Variants in LRRK2 observed in about 807,000 individuals in gnomAD.
LRRK2 encodes leucine rich repeat kinase 2.
In LRRK2, 203 loss-of-function variants were observed where a neutral mutation model predicts 302.6. The ratio of observed to expected loss-of-function variants is 0.67; its 90% CI spans 0.60 to 0.75. The LOEUF is 0.75. Ranked by LOEUF, LRRK2 falls within the 30% of genes least tolerant of loss-of-function variation. The pLI is 0.00. For missense variants in LRRK2, 2,830 were observed against 2,951.0 expected (o/e 0.96, Z 0.95); for synonymous variants, 1,066 against 1,031.9 (o/e 1.03, Z -0.63).
At position 40,269,612 on chromosome 12, in the gene LRRK2, T is replaced by C. The variant is rs182557973; in HGVS notation, c.1657-4971T>C. Among the ~76,000 whole-genome samples, 12 of 152,252 alleles carry C rather than the reference T, an allele frequency of 7.9e-5. No individual in the cohort carries two copies. In the East Asian group the frequency reaches 2.1e-3, roughly 27 times the overall value. The stretch of plus-strand genomic sequence containing the variant: ...TGTTACTGCAGCTTAATTTAATCTT[T>C]CCTGACAATACAATACCTATCAATA... On this transcript the variant is annotated intron_variant, in intron 14 of 50. Coordinates refer to ENST00000298910, the MANE Select transcript of LRRK2 (RefSeq NM_198578.4).
At chr12:40,239,813 A>T (rs1941646462) in intron 5 of LRRK2, among the ~76,000 whole-genome samples, 1 of 152,126 alleles carries the variant, frequency 6.6e-6, no homozygotes, top group Non-Finnish European at 1.5e-5. Context: ...ATGAATGTTG[A>T]TCACTTAGAG....
At position 40,315,255 on chromosome 12, in the gene LRRK2, C is replaced by A; in HGVS notation, c.4782C>A (p.Asp1594Glu). 6.2e-7 allele frequency: 1 copy of A among 1,612,718 alleles called. No individual in the cohort carries two copies. The change falls in exon 33 of 51, where the codon GAC (aspartate) becomes GAA (glutamate). Residue 1594 changes from aspartate to glutamate, a missense_variant. This residue lies in a region of LRRK2 where 2,121 missense variants were observed against 2,148.0 expected (regional missense o/e 0.99). Transcript: ENST00000298910. The stretch of plus-strand genomic sequence containing the variant: ...AAGACCCAGCACTGCAGTTAAGTGA[C>A]TTGTACTTTGTGGAACCCAAGTGGC... ...HFQDPALQLS[D>E]LYFVEPKWLC... is the part of the protein sequence containing the mutation.
At chr12:40,291,121 C>G (rs1040552006) in intron 20 of LRRK2, among the ~76,000 whole-genome samples, 1 of 151,888 alleles carries the variant, frequency 6.6e-6, no homozygotes, top group Non-Finnish European at 1.5e-5. Context: ...GAGTTCATGT[C>G]CTTTGTAGGG....
intron 14 of LRRK2, among the ~76,000 whole-genome samples, chr12:40,266,145 G>A (rs1943002351): frequency 6.6e-6 from 1 of 152,130 alleles, no homozygotes; most frequent in Non-Finnish European, 1.5e-5. Context: ...AGCCAAAATT[G>A]ACAAATGGGA....
Position 40,334,964 on chromosome 12 carries a change from C to G in LRRK2, c.5758-3C>G. ...ACTCTTACATGATTTTGGACTTTTG[C>G]AGGAGCTTGTGGTGCTTTGCCACCT... On this transcript the variant is annotated splice_region_variant and splice_polypyrimidine_tract_variant and intron_variant, in intron 39 of 50. Transcript: ENST00000298910. 6.2e-7 allele frequency: 1 copy of G among 1,613,756 alleles called. No individual in the cohort carries two copies. Among genetic ancestry groups the G allele is most frequent in the Non-Finnish European group, 8.5e-7 (1 of 1,179,938 alleles).
intron 13 of LRRK2, among the ~76,000 whole-genome samples, chr12:40,261,111 G>A (rs755985466): frequency 2.2e-4 from 34 of 152,058 alleles, no homozygotes; most frequent in Non-Finnish European, 3.7e-4. Context: ...CCTATTCATA[G>A]TTTCAGCTTA....
At chr12:40,357,045 T>A (rs139460259) in intron 46 of LRRK2, among the ~76,000 whole-genome samples, 1 of 152,264 alleles carries the variant, frequency 6.6e-6, no homozygotes, top group East Asian at 1.9e-4. Context: ...TAACTGTATG[T>A]TTGTACCCGT....
chr12:40,283,984 G>C lies in LRRK2; in HGVS notation c.2351G>C (p.Ser784Thr). The change falls in exon 19 of 51, where the codon AGC becomes ACC. Residue 784 changes from serine to threonine, a missense_variant. Physicochemically the swap from Ser to Thr is moderately conservative, Grantham distance 58. Coordinates refer to ENST00000298910, the MANE Select transcript of LRRK2 (RefSeq NM_198578.4). ...ALTISIGKGD[S>T]QIISLLLRRL... ...ACGATAAGCATTGGGAAAGGTGACAGCCAGATCATCAGCTTGCTCTTAAGG... is the reference window on the plus strand; with the variant it reads ...ACGATAAGCATTGGGAAAGGTGACACCCAGATCATCAGCTTGCTCTTAAGG... 1 of 1,614,030 alleles carries C rather than the reference G, an allele frequency of 6.2e-7. No individual in the cohort carries two copies. The highest frequency in any genetic ancestry group is 1.1e-5 in the South Asian group (1 of 91,084).
intron 28 of LRRK2, among the ~76,000 whole-genome samples, chr12:40,306,575 A>C (rs1272564870): frequency 6.6e-6 from 1 of 152,108 alleles, no homozygotes; most frequent in Non-Finnish European, 1.5e-5. Context: ...ACTTTCTCAT[A>C]AAATCCTTTG....
In LRRK2 at chr12:40,304,104, AC is replaced by A; in HGVS notation, c.3748del (p.Leu1250CysfsTer8). Reference protein sequence around the residue: ...KAYLWSRVEKLHLSHNKLKEI... With the variant: ...KAYLWSRVEKXHLSHNKLKEI... ...CATATTTATGGTCTAGAGTAGAGAA[AC>A]TGCATCTTTCTCACAATAAACTGAA... On this transcript the variant is annotated frameshift_variant, in exon 27 of 51. Transcript: ENST00000298910. LOFTEE classifies it high-confidence loss of function. 6.2e-7 allele frequency: 1 copy of A among 1,613,326 alleles called. No individual in the cohort carries two copies. The highest frequency in any genetic ancestry group is 8.5e-7 in the Non-Finnish European group (1 of 1,179,628).
chr12:40,359,267 G>C lies in LRRK2; in HGVS notation c.6851G>C (p.Gly2284Ala). The change falls in exon 47 of 51, where the codon GGA becomes GCA. Residue 2284 changes from glycine (G) to alanine (A), a missense_variant. This residue lies in a region of LRRK2 where 456 missense variants were observed against 456.3 expected (regional missense o/e 1.00). Coordinates refer to ENST00000298910, the MANE Select transcript of LRRK2 (RefSeq NM_198578.4). ...IFEDKTVKLK[G>A]AAPLKILNIG... Reference sequence around the variant, plus strand: ...CTTTTTTTTTTGGCAAAGCTTAAAGGAGCTGCTCCTTTGAAGATACTAAAT... The same window carrying C: ...CTTTTTTTTTTGGCAAAGCTTAAAGCAGCTGCTCCTTTGAAGATACTAAAT... 2 of 1,611,336 alleles carry C rather than the reference G, an allele frequency of 1.2e-6. No individual in the cohort carries two copies. Among genetic ancestry groups the C allele is most frequent in the Non-Finnish European group, 1.7e-6 (2 of 1,178,724 alleles).
At chr12:40,249,416 G>A (rs1310456760) in intron 7 of LRRK2, among the ~76,000 whole-genome samples, 1 of 151,676 alleles carries the variant, frequency 6.6e-6, no homozygotes, top group African/African-American at 2.4e-5. Flanking sequence ...TGAAAGAAGA[G>A]TGTTTCAGTA....
chr12:40,232,131 T>C lies in LRRK2; in HGVS notation c.238-143T>C, dbSNP rs189103143. ...TGCTTTTGTTTCTGGGTAAGCATTT[T>C]AGGGTATCATTTTGTTGTATAACCA... On this transcript the variant is annotated intron_variant, in intron 2 of 50. Transcript: ENST00000298910. 2.9e-4 allele frequency: 200 copies of C among 691,572 alleles called. 1 individual carries two copies. In the East Asian group the frequency reaches 4.6e-3, roughly 16 times the overall value. The allele number at this position is 691,572 out of a possible 1,614,324, so 42.8% of individuals were successfully genotyped here. A position where few individuals can be genotyped will look rare whatever the true frequency, so the allele number is the denominator to read the frequency against.
intron 32 of LRRK2, 126 bp downstream of exon 32, chr12:40,314,299 T>C: frequency 1.0e-6 from 1 of 960,920 alleles, no homozygotes; most frequent in South Asian, 1.4e-5. Flanking sequence ...AATAGGCCAC[T>C]GATTTTTTTC....
chr12:40,338,243 T>G (rs1320026864), intron 40 of LRRK2, among the ~76,000 whole-genome samples: 1 of 152,170 alleles, frequency 6.6e-6, no homozygotes, highest in African/African-American at 2.4e-5. Context: ...AGCACAATCC[T>G]TCTGGATTGT....
chr12:40,309,285 C>T (rs28648647), intron 30 of LRRK2, 52 bp downstream of exon 30: 99 of 1,316,784 alleles, frequency 7.5e-5, no homozygotes, highest in Middle Eastern at 2.1e-4. Context: ...TGTCTGTGTG[C>T]GTGTGTGTGT....
At chr12:40,310,346 T>C (rs1230756361) in intron 30 of LRRK2, 85 bp from the exon 31 acceptor site, 2 of 1,250,018 alleles carry the variant, frequency 1.6e-6, no homozygotes, top group Non-Finnish European at 2.3e-6. Context: ...TTCAAGTGAA[T>C]GTCACGGAAA....
At chr12:40,302,299 T>C (rs1469664039) in intron 25 of LRRK2, among the ~76,000 whole-genome samples, 2 of 152,128 alleles carry the variant, frequency 1.3e-5, no homozygotes, top group Non-Finnish European at 2.9e-5. Context: ...TAAGATTATA[T>C]GATCGAAGAA....
In LRRK2 at chr12:40,278,262, G is replaced by T. The variant is rs1171791842; in HGVS notation, c.2241+1G>T. The T allele has an allele frequency of 1.2e-6, 2 of 1,614,030 alleles. No individual in the cohort carries two copies. The highest frequency in any genetic ancestry group is 1.7e-6 in the Non-Finnish European group (2 of 1,179,972). ...GGAGGGATCTTCTTTAATTTGTCAG[G>T]TAAATATTCAAGGCCTCACTTTTGT... On this transcript the variant is annotated splice_donor_variant, in intron 18 of 50. Coordinates refer to ENST00000298910, the MANE Select transcript of LRRK2 (RefSeq NM_198578.4). LOFTEE classifies it high-confidence loss of function.
Sources: gnomAD v4.1 joint callset for allele counts (sites outside exome capture counted in the v4.1 genomes callset) on GRCh38, gnomAD v4.1.1 for gene constraint, gnomAD v4.1.1 regional missense constraint, MANE v1.5 for transcripts, NCBI Gene and HGNC (gene_info 2026-07-23, HGNC 2026-07-21) for gene names.